The following TBL2 variants were observed in gnomAD, a reference collection of about 807,000 sequenced individuals.
TBL2 encodes the protein transducin beta like 2.
A neutral mutation model predicts 41.8 loss-of-function variants in TBL2; 33 were observed. The observed-to-expected ratio is 0.79, with a 90% CI of 0.60 to 1.06. The LOEUF (loss-of-function observed/expected upper bound fraction) is 1.06. Among genes scored for constraint, TBL2 ranks in the 50% least tolerant of loss-of-function variants. The pLI, the probability that TBL2 is intolerant of heterozygous loss-of-function variation, is 0.00. For synonymous variants in TBL2, 239 were observed against 241.7 expected, an observed-to-expected ratio of 0.99 and a Z score of 0.10; for missense variants, 522 against 603.8, an observed-to-expected ratio of 0.86 and a Z score of 1.42.
At chr7:73,578,263 C>G (rs1554589392) in intron 1 of TBL2, 157 bp downstream of exon 1, 3 of 1,533,472 alleles carry the variant, frequency 2.0e-6, no homozygotes, top group South Asian at 2.4e-5. Context: ...GGCGGGTCCC[C>G]GTCTCTGGAA....
intron 3 of TBL2, chr7:73,573,698 C>T (rs1793114196): frequency 2.6e-6 from 2 of 760,816 alleles, no homozygotes; most frequent in South Asian, 1.9e-5. Context: ...TAAGGCTCAT[C>T]TGGAAGCCAG....
intron 3 of TBL2, 60 bp downstream of exon 3, chr7:73,573,878 G>T: frequency 6.3e-7 from 1 of 1,583,518 alleles, no homozygotes; most frequent in African/African-American, 1.3e-5. Flanking sequence ...GCAGATATGG[G>T]AAGGCCAAAG....
chr7:73,570,726 A>G lies in TBL2; in HGVS notation c.1125T>C (p.Cys375=). 1 of 1,614,184 alleles carries G rather than the reference A, an allele frequency of 6.2e-7. No individual in the cohort carries two copies. The highest frequency in any genetic ancestry group is 2.2e-5 in the East Asian group (1 of 44,888). ...EECFERVHGE[C]IANLSFDITG... is the part of the protein sequence containing the mutation. Reference sequence around the variant, plus strand: ...TGATGTCAAAGGACAAGTTGGCGATACACTCGCCATGGACCCGCTCAAAGC... The same window carrying G: ...TGATGTCAAAGGACAAGTTGGCGATGCACTCGCCATGGACCCGCTCAAAGC... Residue 375 remains cysteine, a synonymous_variant, in exon 7 of 7, where the codon TGT becomes TGC. Coordinates refer to ENST00000305632, the MANE Select transcript of TBL2 (RefSeq NM_012453.4).
At chr7:73,577,770 T>C (rs571033271) in intron 1 of TBL2, among the ~76,000 whole-genome samples, 78 of 151,690 alleles carry the variant, frequency 5.1e-4, no homozygotes, top group Admixed American at 1.1e-3. Context: ...CGGCCTCCCA[T>C]GGAGCTGGGA....
intron 1 of TBL2, among the ~76,000 whole-genome samples, chr7:73,576,319 C>A (rs1376580980): frequency 3.3e-5 from 5 of 151,908 alleles, no homozygotes; most frequent in African/African-American, 1.2e-4. Flanking sequence ...AGGCGTGAGT[C>A]ACCATGCCCG....
Position 73,572,870 on chromosome 7 carries a change from T to C in TBL2, c.699A>G (p.Thr233=), listed in dbSNP as rs750684513. 1 of 1,614,100 alleles carries C rather than the reference T, an allele frequency of 6.2e-7. No individual in the cohort carries two copies. The highest frequency in any genetic ancestry group is 1.1e-5 in the South Asian group (1 of 91,084). The stretch of plus-strand genomic sequence containing the variant: ...TGCCACAGGGAGATACAGCAGCGTG[T>C]GTGTTGTTCATCTGGTTGGTGTTGA... ...STINTNQMNN[T]HAAVSPCGRF... is the part of the protein sequence containing the mutation. The change falls in exon 5 of 7, where the codon ACA becomes ACG. Residue 233 remains threonine, a synonymous_variant. Coordinates refer to ENST00000305632, the MANE Select transcript of TBL2 (RefSeq NM_012453.4).
At chr7:73,577,261 CTGCAAAA>C (rs1563456482) in intron 1 of TBL2, among the ~76,000 whole-genome samples, 1 of 113,460 alleles carries the variant, frequency 8.8e-6, no homozygotes, top group African/African-American at 3.0e-5. Context: ...CTCCGTCCCC[CTGCAAAA>C]AAAAAAAAAA....
At position 73,571,448 on chromosome 7, in the gene TBL2, T is replaced by C. The variant is rs1222930494; in HGVS notation, c.726-107A>G. ...AAAGTTGATAATCCTCATATCTGGATAATATAAACCTTTAAAGAGTTATTT... is the reference window on the plus strand; with the variant it reads ...AAAGTTGATAATCCTCATATCTGGACAATATAAACCTTTAAAGAGTTATTT... On this transcript the variant is annotated intron_variant, in intron 5 of 6. Coordinates refer to ENST00000305632, the MANE Select transcript of TBL2 (RefSeq NM_012453.4). The C allele has an allele frequency of 3.4e-6, 5 of 1,491,962 alleles. No individual in the cohort carries two copies. In the African/African-American group the frequency reaches 7.0e-5, roughly 21 times the overall value. 92.4% of individuals were successfully genotyped at this position (1,491,962 alleles called of 1,614,324 possible). A position where few individuals can be genotyped will look rare whatever the true frequency, so the allele number is the denominator to read the frequency against.
At position 73,573,931 on chromosome 7, in the gene TBL2, G is replaced by A. The variant is rs781896490; in HGVS notation, c.446+7C>T. On this transcript the variant is annotated splice_region_variant and intron_variant, in intron 3 of 6. Transcript: ENST00000305632. ...GCAGGCAAACCTGAGGCTCCGTCTT[G>A]TCCCACCTGCAGTCAGGGCTGAAGC... is the stretch of plus-strand genomic sequence containing the variant. The A allele has an allele frequency of 5.0e-6, 8 of 1,612,356 alleles. No homozygotes were observed. In the East Asian group the frequency reaches 1.8e-4, roughly 36 times the overall value.
At chr7:73,577,958 G>C (rs1554589313) in intron 1 of TBL2, 2 of 321,668 alleles carry the variant, frequency 6.2e-6, no homozygotes, top group African/African-American at 2.2e-5. Flanking sequence ...TTATTTCACC[G>C]TGTTTTTCAC....
chr7:73,570,340 G>C lies in TBL2; in HGVS notation c.*167C>G, dbSNP rs1487578957. 8.1e-7 allele frequency: 1 copy of C among 1,238,940 alleles called. No homozygotes were observed. The highest frequency in any genetic ancestry group is 3.4e-5 in the Admixed American group (1 of 29,124). 76.7% of individuals were successfully genotyped at this position (1,238,940 alleles called of 1,614,324 possible). On this transcript the variant is annotated 3_prime_UTR_variant, in exon 7 of 7. Coordinates refer to ENST00000305632, the MANE Select transcript of TBL2 (RefSeq NM_012453.4). ...AGGAGTCACAGCCAGCAAGAAGAGA[G>C]AGACCTAAGTAGACAAGAGTAGTTT...
chr7:73,574,063 G>A lies in TBL2; in HGVS notation c.321C>T (p.Thr107=). 6.2e-7 allele frequency: 1 copy of A among 1,614,190 alleles called. No homozygotes were observed. The highest frequency in any genetic ancestry group is 8.5e-7 in the Non-Finnish European group (1 of 1,180,028). The change falls in exon 3 of 7, where the codon ACC becomes ACT. Residue 107 remains threonine, a synonymous_variant. Transcript: ENST00000305632. The part of the protein sequence containing the change: ...DFSSNGKYLA[T]CADDRTIRIW... Reference sequence around the variant, plus strand: ...TGCGGATGGTGCGATCATCTGCACAGGTAGCCAGGTATTTGCCATTGCTGC... The same window carrying A: ...TGCGGATGGTGCGATCATCTGCACAAGTAGCCAGGTATTTGCCATTGCTGC...
chr7:73,575,744 T>C (rs945058413), intron 1 of TBL2, among the ~76,000 whole-genome samples: 1 of 152,194 alleles, frequency 6.6e-6, no homozygotes, highest in Admixed American at 6.6e-5. Context: ...GCCTTGGTTT[T>C]CTTAAAGAGA....
rs369027933 is a variant in TBL2 at position 73,571,348 on chromosome 7, T to C, written c.726-7A>G. The C allele has an allele frequency of 4.3e-6, 7 of 1,614,230 alleles. No homozygotes were observed. Among genetic ancestry groups the C allele is most frequent in the Non-Finnish European group, 5.9e-6 (7 of 1,180,042 alleles). On this transcript the variant is annotated splice_polypyrimidine_tract_variant and splice_region_variant and intron_variant, in intron 5 of 6. Coordinates refer to ENST00000305632, the MANE Select transcript of TBL2 (RefSeq NM_012453.4). The stretch of plus-strand genomic sequence containing the variant: ...GCCACACGAGGCTACAAATCTGCCA[T>C]ACAACCCAGAAGCCTTTAAAACTTC...
At chr7:73,571,831 C>G (rs1488865126) in intron 5 of TBL2, 2 of 161,200 alleles carry the variant, frequency 1.2e-5, no homozygotes, top group Non-Finnish European at 2.7e-5. Flanking sequence ...GAGGCCCAGG[C>G]GGGCAGCTCA....
Position 73,570,216 on chromosome 7 carries a change from C to G in TBL2, c.*291G>C. On this transcript the variant is annotated 3_prime_UTR_variant, in exon 7 of 7. Transcript: ENST00000305632. Reference sequence around the variant, plus strand: ...AGGCCAAAAATCACATTCTCTCTCTCTCTCCTCTCCTCTCTACCATTCTCC... The same window carrying G: ...AGGCCAAAAATCACATTCTCTCTCTGTCTCCTCTCCTCTCTACCATTCTCC... 1 of 331,792 alleles carries G rather than the reference C, an allele frequency of 3.0e-6. No individual in the cohort carries two copies. The highest frequency in any genetic ancestry group is 5.5e-6 in the Non-Finnish European group (1 of 183,378). The allele number at this position is 331,792 out of a possible 1,614,324, so 20.6% of individuals were successfully genotyped here. A position where few individuals can be genotyped will look rare whatever the true frequency, so the allele number is the denominator to read the frequency against.
Position 73,569,675 on chromosome 7 carries a change from C to T in TBL2, c.*832G>A, listed in dbSNP as rs1321626936. The T allele has an allele frequency of 2.6e-5, 4 of 152,168 alleles. No homozygotes were observed. Among genetic ancestry groups the T allele is most frequent in the African/African-American group, 7.2e-5 (3 of 41,440 alleles). The allele number at this position is 152,168 out of a possible 1,614,324, so 9.4% of individuals were successfully genotyped here. On this transcript the variant is annotated 3_prime_UTR_variant, in exon 7 of 7. Coordinates refer to ENST00000305632, the MANE Select transcript of TBL2 (RefSeq NM_012453.4). ...AAACCATGTCTTATTCGTATTTAAT[C>T]CCCAGCTCATATTTATTTGGGCACA...
intron 4 of TBL2, 21 bp from the exon 5 acceptor site, chr7:73,572,991 G>A (rs1199359638): frequency 3.3e-5 from 54 of 1,613,912 alleles, no homozygotes; most frequent in Non-Finnish European, 4.4e-5. Flanking sequence ...AGGGAGTGAT[G>A]TGGGTCACGG....
chr7:73,576,885 C>A, intron 1 of TBL2: 1 of 362,094 alleles, frequency 2.8e-6, no homozygotes, highest in South Asian at 2.0e-5. Context: ...CTTCTAGAAC[C>A]ATCCTTTGAG....
Sources: gnomAD v4.1 joint callset for allele counts (sites outside exome capture counted in the v4.1 genomes callset) on GRCh38, gnomAD v4.1.1 for gene constraint, MANE v1.5 for transcripts, NCBI Gene and HGNC (gene_info 2026-07-23, HGNC 2026-07-21) for gene names.